The following CNGB1 variants were observed in gnomAD, a reference collection of about 807,000 sequenced individuals.
CNGB1 encodes the protein cyclic nucleotide gated channel subunit beta 1, also known as cyclic nucleotide-gated channel beta-1.
Under a neutral mutation model 151.7 loss-of-function variants are expected in CNGB1, and 126 were observed. The observed-to-expected ratio is 0.83, with a 90% CI of 0.72 to 0.96. The LOEUF is 0.96. CNGB1 is among the 40% of genes least tolerant of loss of function. CNGB1 has a pLI of 0.00. For missense variants in CNGB1, 1,698 were observed against 1,627.0 expected (o/e 1.04, Z -0.75); for synonymous variants, 623 against 635.1 (o/e 0.98, Z 0.29).
intron 31 of CNGB1, among the ~76,000 whole-genome samples, chr16:57,890,159 T>C (rs1382386206): frequency 6.6e-6 from 1 of 152,224 alleles, no homozygotes; most frequent in Non-Finnish European, 1.5e-5. Context: ...GACAATGAAT[T>C]GGCAAATTCA....
At chr16:57,893,578 G>A (rs1360921179) in intron 31 of CNGB1, among the ~76,000 whole-genome samples, 3 of 152,058 alleles carry the variant, frequency 2.0e-5, no homozygotes, top group East Asian at 3.9e-4. Flanking sequence ...CGGGCAGATC[G>A]CCTGAGGTCA....
intron 31 of CNGB1, among the ~76,000 whole-genome samples, chr16:57,892,976 T>C (rs539162626): frequency 2.0e-5 from 3 of 152,282 alleles, no homozygotes; most frequent in Non-Finnish European, 2.9e-5. Flanking sequence ...CCATTGCCGG[T>C]TCCCTGACTA....
chr16:57,890,374 A>C (rs773791503), intron 31 of CNGB1, among the ~76,000 whole-genome samples: 7 of 152,190 alleles, frequency 4.6e-5, no homozygotes, highest in Non-Finnish European at 8.8e-5. Context: ...ACTGTCCCCC[A>C]TGTTATTTGA....
At chr16:57,912,774 G>A (rs943057396) in intron 24 of CNGB1, among the ~76,000 whole-genome samples, 156 bp downstream of exon 24, 2 of 150,204 alleles carry the variant, frequency 1.3e-5, no homozygotes, top group African/African-American at 4.9e-5. Context: ...TATGTTGAAT[G>A]TTGTGTGTGC....
intron 23 of CNGB1, 107 bp downstream of exon 23, chr16:57,915,142 G>C (rs1313238751): frequency 4.7e-6 from 4 of 859,704 alleles, no homozygotes; most frequent in Non-Finnish European, 7.5e-6. Context: ...GCCATCCCTT[G>C]AGGAACTCCC....
chr16:57,954,738 C>T (rs966415423), intron 12 of CNGB1: 1 of 969,338 alleles, frequency 1.0e-6, no homozygotes, highest in African/African-American at 1.8e-5. Flanking sequence ...TCATTGGTGT[C>T]CCCAAGCCTT....
intron 2 of CNGB1, among the ~76,000 whole-genome samples, chr16:57,966,283 C>A (rs1048579324): frequency 1.3e-5 from 2 of 152,210 alleles, no homozygotes; most frequent in Admixed American, 1.3e-4. Context: ...AATGAACTGG[C>A]TGGGCTCTTG....
chr16:57,904,101 TTGG>T, intron 26 of CNGB1, 120 bp from the exon 27 acceptor site: 1 of 834,370 alleles, frequency 1.2e-6, no homozygotes, highest in Non-Finnish European at 2.0e-6. Flanking sequence ...TGGCAGGGCG[TTGG>T]GAGGGGGGTA....
intron 29 of CNGB1, among the ~76,000 whole-genome samples, chr16:57,900,108 C>G (rs527410173): frequency 6.6e-6 from 1 of 152,334 alleles, no homozygotes; most frequent in East Asian, 1.9e-4. Flanking sequence ...GAGGGAGGTA[C>G]TATCAACATC....
chr16:57,958,736 A>T (rs1429631076), intron 10 of CNGB1, among the ~76,000 whole-genome samples: 1 of 100,412 alleles, frequency 1.0e-5, no homozygotes, highest in East Asian at 3.0e-4. Context: ...CTCGGAAGGG[A>T]GTGCACTTTG....
chr16:57,958,037 T>C (rs1363446597), intron 11 of CNGB1, among the ~76,000 whole-genome samples: 2 of 152,162 alleles, frequency 1.3e-5, no homozygotes, highest in Non-Finnish European at 2.9e-5. Flanking sequence ...GGAATGCACA[T>C]AGGGCTGCCG....
At position 57,905,599 on chromosome 16, in the gene CNGB1, T is replaced by C. The variant is rs577087921; in HGVS notation, c.2493-724A>G. ...AATGTGTCCCCCGAAATTCAGGCAT[T>C]GGAAACTTAATTCCCAGTGCAATGG... On this transcript the variant is annotated intron_variant, in intron 25 of 32. Coordinates refer to ENST00000251102, the MANE Select transcript of CNGB1 (RefSeq NM_001297.5). 8.5e-5 allele frequency among the ~76,000 whole-genome samples: 13 copies of C among 152,374 alleles called. No individual in the cohort carries two copies. In the South Asian group the frequency reaches 2.5e-3, roughly 29 times the overall value.
intron 7 of CNGB1, 104 bp from the exon 8 acceptor site, chr16:57,961,019 A>G (rs993016517): frequency 2.5e-5 from 26 of 1,020,174 alleles, no homozygotes; most frequent in Admixed American, 2.1e-4. Context: ...GTGCCCTCCA[A>G]TCCTGTTCTG....
At chr16:57,952,700 C>T (rs1314924385) in intron 12 of CNGB1, among the ~76,000 whole-genome samples, 13 of 151,740 alleles carry the variant, frequency 8.6e-5, no homozygotes, top group Non-Finnish European at 1.5e-4. Context: ...GGGGTTTCAC[C>T]GTATTGGCCA....
chr16:57,952,833 G>A (rs1961987515), intron 12 of CNGB1, among the ~76,000 whole-genome samples: 2 of 152,092 alleles, frequency 1.3e-5, no homozygotes, highest in African/African-American at 4.8e-5. Flanking sequence ...CAGCAGGCCT[G>A]CAAGATGTGT....
intron 31 of CNGB1, among the ~76,000 whole-genome samples, chr16:57,894,103 G>A (rs538891269): frequency 5.6e-4 from 86 of 152,238 alleles, no homozygotes; most frequent in African/African-American, 1.8e-3. Context: ...ACGGTTATTC[G>A]TTGCACCACT....
intron 17 of CNGB1, among the ~76,000 whole-genome samples, chr16:57,924,127 A>G (rs1246803807): frequency 6.6e-6 from 1 of 152,158 alleles, no homozygotes; most frequent in Admixed American, 6.6e-5. Flanking sequence ...AGCAGGTTGG[A>G]GCCTGGGTGT....
intron 14 of CNGB1, among the ~76,000 whole-genome samples, chr16:57,944,606 T>C (rs1961755685): frequency 6.6e-6 from 1 of 152,160 alleles, no homozygotes; most frequent in African/African-American, 2.4e-5. Flanking sequence ...CCACAATGTA[T>C]ACATAATTCA....
intron 2 of CNGB1, among the ~76,000 whole-genome samples, chr16:57,966,868 T>C (rs1254546852): frequency 6.6e-6 from 1 of 152,238 alleles, no homozygotes; most frequent in Non-Finnish European, 1.5e-5. Flanking sequence ...GTTGAGTAAT[T>C]AGCAGAGATA....
Sources: gnomAD v4.1 joint callset for allele counts (sites outside exome capture counted in the v4.1 genomes callset) on GRCh38, gnomAD v4.1.1 for gene constraint, MANE v1.5 for transcripts, NCBI Gene and HGNC (gene_info 2026-07-23, HGNC 2026-07-21) for gene names.